Variants in RPRD1A observed in about 807,000 individuals in gnomAD.
RPRD1A encodes regulation of nuclear pre-mRNA domain-containing protein 1A.
Under a neutral mutation model 37.8 loss-of-function variants are expected in RPRD1A, and 9 were observed. The ratio of observed to expected loss-of-function variants is 0.24; its 90% CI spans 0.14 to 0.42. The LOEUF is 0.42. Among genes scored for constraint, RPRD1A ranks in the 10% least tolerant of loss-of-function variants. RPRD1A has a pLI of 1.00. For synonymous variants in RPRD1A, 138 were observed against 139.7 expected (o/e 0.99, Z 0.08); for missense variants, 255 against 371.0 (o/e 0.69, Z 2.57).
At chr18:36,008,836 A>T (rs1272545434) in intron 6 of RPRD1A, among the ~76,000 whole-genome samples, 1 of 151,508 alleles carries the variant, frequency 6.6e-6, no homozygotes, top group Non-Finnish European at 1.5e-5. Flanking sequence ...CTCTCCTCTC[A>T]TTTCACAGCC....
At chr18:36,025,505 G>A in intron 6 of RPRD1A, 1 of 553,262 alleles carries the variant, frequency 1.8e-6, no homozygotes, top group South Asian at 2.0e-5. Flanking sequence ...TGTAAACAGT[G>A]ACAAATGACC....
intron 6 of RPRD1A, among the ~76,000 whole-genome samples, chr18:36,019,899 C>G (rs1910876068): frequency 6.6e-6 from 1 of 152,086 alleles, no homozygotes; most frequent in South Asian, 2.1e-4. Context: ...AATTAGACAG[C>G]CGTGATGGCG....
Position 36,031,049 on chromosome 18 carries a change from A to G in RPRD1A, c.330T>C (p.Ile110=), listed in dbSNP as rs1051797981. The change falls in exon 3 of 7, where the codon ATT becomes ATC. Residue 110 remains isoleucine (I), a synonymous_variant. Transcript: ENST00000399022. Reference sequence around the variant, plus strand: ...TTTCATAAACAGACCTTTCTTCCCAAATAGATAACACTCTTCCAAGGTGCT... The same window carrying G: ...TTTCATAAACAGACCTTTCTTCCCAGATAGATAACACTCTTCCAAGGTGCT... ...CKKHLGRVLS[I]WEERSVYEND... 1.3e-6 allele frequency: 2 copies of G among 1,596,082 alleles called. No homozygotes were observed. Among genetic ancestry groups the G allele is most frequent in the Admixed American group, 1.8e-5 (1 of 55,038 alleles).
intron 1 of RPRD1A, among the ~76,000 whole-genome samples, chr18:36,043,059 C>T (rs765975693): frequency 2.0e-5 from 3 of 151,920 alleles, no homozygotes; most frequent in Non-Finnish European, 2.9e-5. Flanking sequence ...ACAATCTACA[C>T]AATATTCTGC....
intron 6 of RPRD1A, among the ~76,000 whole-genome samples, chr18:36,011,824 G>T (rs1464105040): frequency 1.3e-5 from 2 of 152,184 alleles, no homozygotes; most frequent in African/African-American, 4.8e-5. Context: ...TAAAGATTTT[G>T]TAAGAGTCCA....
At chr18:36,026,869 A>C (rs1568130083) in intron 6 of RPRD1A, 31 bp downstream of exon 6, 1 of 1,562,122 alleles carries the variant, frequency 6.4e-7, no homozygotes, top group Non-Finnish European at 8.7e-7. Flanking sequence ...AATTAAATAA[A>C]TAAGCACTAA....
intron 1 of RPRD1A, among the ~76,000 whole-genome samples, chr18:36,034,244 T>C (rs1284644400): frequency 1.3e-5 from 2 of 152,204 alleles, no homozygotes; most frequent in Non-Finnish European, 2.9e-5. Flanking sequence ...GCATGAAATG[T>C]AAAACAGGTT....
chr18:36,053,675 T>C (rs750304200), intron 1 of RPRD1A, among the ~76,000 whole-genome samples: 389 of 152,304 alleles, frequency 2.6e-3, no homozygotes, highest in Non-Finnish European at 4.2e-3. Context: ...CTCGTAAACA[T>C]ATACCTAGGA....
At chr18:35,993,409 T>A in intron 6 of RPRD1A, 109 bp from the exon 7 acceptor site, 1 of 1,048,504 alleles carries the variant, frequency 9.5e-7, no homozygotes, top group Non-Finnish European at 1.3e-6. Flanking sequence ...ATGCCATATT[T>A]AAAAAGGTTA....
At chr18:35,995,690 G>C (rs778858161) in intron 6 of RPRD1A, among the ~76,000 whole-genome samples, 3 of 152,194 alleles carry the variant, frequency 2.0e-5, no homozygotes, top group Non-Finnish European at 2.9e-5. Context: ...TGGGCTGTAT[G>C]TGATGACTGA....
At chr18:36,015,714 GT>G (rs1384152438) in intron 6 of RPRD1A, among the ~76,000 whole-genome samples, 1 of 152,162 alleles carries the variant, frequency 6.6e-6, no homozygotes, top group African/African-American at 2.4e-5. Context: ...AAATAAGCCA[GT>G]CACAAAAAGA....
At chr18:36,040,603 G>C (rs546053710) in intron 1 of RPRD1A, among the ~76,000 whole-genome samples, 29 of 152,256 alleles carry the variant, frequency 1.9e-4, no homozygotes, top group African/African-American at 7.0e-4. Context: ...ATGAAATCTA[G>C]AAGTAGGTAA....
chr18:36,040,933 A>G (rs985536448), intron 1 of RPRD1A: 9 of 934,498 alleles, frequency 9.6e-6, no homozygotes, highest in Non-Finnish European at 1.2e-5. Flanking sequence ...CTTTACAGTA[A>G]TTGTCTTTCA....
chr18:36,006,950 G>A (rs147258998), intron 6 of RPRD1A, among the ~76,000 whole-genome samples: 47 of 152,200 alleles, frequency 3.1e-4, no homozygotes, highest in African/African-American at 1.1e-3. Context: ...TTCTGGATGG[G>A]GACACAACAT....
At chr18:36,055,292 T>A (rs969460797) in intron 1 of RPRD1A, among the ~76,000 whole-genome samples, 1 of 152,248 alleles carries the variant, frequency 6.6e-6, no homozygotes, top group African/African-American at 2.4e-5. Flanking sequence ...TGGACCAAAG[T>A]GTGCCATCAC....
At chr18:36,067,193 C>A in intron 1 of RPRD1A, 61 bp downstream of exon 1, 1 of 1,499,574 alleles carries the variant, frequency 6.7e-7, no homozygotes, top group Non-Finnish European at 9.0e-7. Flanking sequence ...AACGGGGTTC[C>A]CGGGGGCGCC....
At chr18:36,018,737 C>T (rs968658991) in intron 6 of RPRD1A, among the ~76,000 whole-genome samples, 1 of 151,836 alleles carries the variant, frequency 6.6e-6, no homozygotes, top group Non-Finnish European at 1.5e-5. Flanking sequence ...CACATGAAAA[C>T]TAAGTATATA....
At chr18:36,000,738 T>A (rs562921406) in intron 6 of RPRD1A, among the ~76,000 whole-genome samples, 1 of 152,192 alleles carries the variant, frequency 6.6e-6, no homozygotes, top group Non-Finnish European at 1.5e-5. Flanking sequence ...CCATGTATTA[T>A]AGATGATGAA....
At chr18:36,027,122 A>G (rs1911425698) in intron 5 of RPRD1A, 47 bp from the exon 6 acceptor site, 1 of 1,612,274 alleles carries the variant, frequency 6.2e-7, no homozygotes. Flanking sequence ...AAAAACAATG[A>G]CATATGCTGT....
Sources: gnomAD v4.1 joint callset for allele counts (sites outside exome capture counted in the v4.1 genomes callset) on GRCh38, gnomAD v4.1.1 for gene constraint, MANE v1.5 for transcripts, NCBI Gene and HGNC (gene_info 2026-07-23, HGNC 2026-07-21) for gene names.